CSMD3: variants seen among roughly 807,000 people sequenced by gnomAD.
CSMD3 encodes the protein CUB and Sushi multiple domains 3.
Under a neutral mutation model 435.2 loss-of-function variants are expected in CSMD3, and 177 were observed. That is an observed-to-expected ratio of 0.41 (90% CI 0.36 to 0.46). The LOEUF is 0.46. Among genes scored for constraint, CSMD3 ranks in the 20% least tolerant of loss-of-function variants. The pLI is 0.34. For missense variants in CSMD3, 4,265 were observed against 4,504.6 expected, an observed-to-expected ratio of 0.95 and a Z score of 1.52; for synonymous variants, 1,656 against 1,520.5, an observed-to-expected ratio of 1.09 and a Z score of -2.07.
chr8:112,864,988 T>C (rs138218864), intron 10 of CSMD3, among the ~76,000 whole-genome samples: 103 of 152,302 alleles, frequency 6.8e-4, no homozygotes, highest in Non-Finnish European at 1.2e-3. Context: ...ACAGTCCTGT[T>C]TGTGGAATAA....
chr8:112,988,336 C>A (rs1324085444), intron 6 of CSMD3, among the ~76,000 whole-genome samples: 1 of 152,024 alleles, frequency 6.6e-6, no homozygotes, highest in African/African-American at 2.4e-5. Context: ...AATTTCACAC[C>A]TGTTTAATGT....
intron 2 of CSMD3, among the ~76,000 whole-genome samples, chr8:113,290,711 T>C (rs1320299220): frequency 6.6e-6 from 1 of 151,712 alleles, no homozygotes; most frequent in Non-Finnish European, 1.5e-5. Context: ...AACGTACATG[T>C]GGTCATTTAC....
intron 3 of CSMD3, among the ~76,000 whole-genome samples, chr8:113,251,524 T>C (rs2093335194): frequency 1.5e-5 from 2 of 137,624 alleles, no homozygotes; most frequent in African/African-American, 2.9e-5. Context: ...AAAAATGTCT[T>C]ACTTGTAATC....
intron 3 of CSMD3, among the ~76,000 whole-genome samples, chr8:113,268,214 A>T (rs1241940502): frequency 6.6e-6 from 1 of 151,928 alleles, no homozygotes; most frequent in Non-Finnish European, 1.5e-5. Context: ...GTCTAGAAAG[A>T]CTTAAGAGCA....
At chr8:113,316,108 T>C (rs1015097421) in intron 1 of CSMD3, among the ~76,000 whole-genome samples, 97 of 152,324 alleles carry the variant, frequency 6.4e-4, no homozygotes, top group African/African-American at 2.3e-3. Context: ...CCAGTCTTTA[T>C]GTAGGCTACA....
chr8:112,369,226 T>C (rs1221306249), intron 38 of CSMD3, among the ~76,000 whole-genome samples: 1 of 152,032 alleles, frequency 6.6e-6, no homozygotes, highest in Non-Finnish European at 1.5e-5. Flanking sequence ...AAAGGAAAAA[T>C]ATATGAAAAC....
chr8:112,995,754 A>G (rs538488741), intron 6 of CSMD3, among the ~76,000 whole-genome samples: 1 of 151,602 alleles, frequency 6.6e-6, no homozygotes, highest in Non-Finnish European at 1.5e-5. Context: ...AATTCTATTA[A>G]GATGATTTAA....
intron 1 of CSMD3, among the ~76,000 whole-genome samples, chr8:113,340,756 C>A (rs151204735): frequency 3.3e-5 from 5 of 151,866 alleles, no homozygotes; most frequent in African/African-American, 7.3e-5. Context: ...GTAGTCCCAG[C>A]TACTCAGGAG....
intron 10 of CSMD3, among the ~76,000 whole-genome samples, chr8:112,875,023 C>T (rs996059972): frequency 1.6e-4 from 24 of 152,012 alleles, no homozygotes; most frequent in Admixed American, 2.6e-4. Context: ...CGATGGACTT[C>T]ACAGTTTGGT....
At chr8:112,235,818 G>A (rs956434893) in intron 67 of CSMD3, among the ~76,000 whole-genome samples, 3 of 151,968 alleles carry the variant, frequency 2.0e-5, no homozygotes, top group Non-Finnish European at 2.9e-5. Context: ...TGCTACAATT[G>A]GTTTATATGG....
intron 1 of CSMD3, among the ~76,000 whole-genome samples, chr8:113,429,779 C>T (rs1470488484): frequency 6.6e-6 from 1 of 152,038 alleles, no homozygotes; most frequent in Non-Finnish European, 1.5e-5. Context: ...AGCTTGAATG[C>T]CCTGTCATCT....
At chr8:112,296,885 T>A (rs1249410234) in intron 53 of CSMD3, among the ~76,000 whole-genome samples, 3 of 151,628 alleles carry the variant, frequency 2.0e-5, no homozygotes, top group Non-Finnish European at 2.9e-5. Context: ...AAATTGTCAA[T>A]AACAGGAATG....
chr8:112,844,911 T>A (rs960999496), intron 11 of CSMD3, among the ~76,000 whole-genome samples: 9 of 152,036 alleles, frequency 5.9e-5, no homozygotes, highest in Admixed American at 6.6e-5. Flanking sequence ...TTTGAATTCC[T>A]TACTATTTAT....
chr8:112,970,897 A>G (rs1310617930), intron 7 of CSMD3, among the ~76,000 whole-genome samples: 1 of 151,318 alleles, frequency 6.6e-6, no homozygotes, highest in African/African-American at 2.4e-5. Flanking sequence ...AATTTTTTGT[A>G]TTTTTATTAG....
intron 11 of CSMD3, among the ~76,000 whole-genome samples, chr8:112,845,493 A>G (rs1475599848): frequency 2.6e-5 from 4 of 152,104 alleles, no homozygotes; most frequent in African/African-American, 4.8e-5. Context: ...CTACAGAAGG[A>G]GCGGCTTATC....
chr8:113,038,882 T>C (rs2087476082), intron 5 of CSMD3, among the ~76,000 whole-genome samples: 1 of 152,214 alleles, frequency 6.6e-6, no homozygotes. Flanking sequence ...TGGGGATGTT[T>C]CATTTTACTT....
chr8:113,426,444 C>T (rs975502445), intron 1 of CSMD3, among the ~76,000 whole-genome samples: 7 of 149,780 alleles, frequency 4.7e-5, no homozygotes, highest in African/African-American at 1.5e-4. Context: ...ATATATTTTC[C>T]TCAAATATCC....
intron 3 of CSMD3, among the ~76,000 whole-genome samples, chr8:113,213,434 C>T (rs2092863293): frequency 6.6e-6 from 1 of 152,020 alleles, no homozygotes; most frequent in Admixed American, 6.6e-5. Context: ...CTGAACTCTT[C>T]TTAACACTGT....
chr8:112,349,439 T>C (rs1825953606), intron 40 of CSMD3, among the ~76,000 whole-genome samples: 1 of 152,096 alleles, frequency 6.6e-6, no homozygotes, highest in African/African-American at 2.4e-5. Context: ...CTATTTAAGA[T>C]GAGAAACTTT....
Sources: gnomAD v4.1 joint callset for allele counts (sites outside exome capture counted in the v4.1 genomes callset) on GRCh38, gnomAD v4.1.1 for gene constraint, MANE v1.5 for transcripts, NCBI Gene and HGNC (gene_info 2026-07-23, HGNC 2026-07-21) for gene names.